The following SHISAL1 variants were observed in gnomAD, a reference collection of about 807,000 sequenced individuals.
SHISAL1 encodes the protein shisa like 1.
Under a neutral mutation model 22.6 loss-of-function variants are expected in SHISAL1, and 9 were observed. That is an observed-to-expected ratio of 0.40 (90% confidence interval 0.24 to 0.70). SHISAL1 has a LOEUF of 0.70. Among genes scored for constraint, SHISAL1 ranks in the 30% least tolerant of loss-of-function variants. SHISAL1 has a pLI of 0.39. For missense variants in SHISAL1, 246 were observed against 270.6 expected (o/e 0.91, Z 0.64); for synonymous variants, 119 against 115.4 (o/e 1.03, Z -0.20).
At position 44,249,702 on chromosome 22, in the gene SHISAL1, G is replaced by GA. The variant is rs57543484; in HGVS notation, c.*-18dup. 2.6e-6 allele frequency: 2 copies of GA among 778,516 alleles called. No homozygotes were observed. Among genetic ancestry groups the GA allele is most frequent in the African/African-American group, 3.4e-5 (2 of 58,986 alleles). 48.2% of individuals were successfully genotyped at this position (778,516 alleles called of 1,614,324 possible). A position where few individuals can be genotyped will look rare whatever the true frequency, so the allele number is the denominator to read the frequency against. ...AAGCGTTTTCTGGAGGAAATACAAGGAAAAAAAGTATCACATGGTGTCTCC... is the reference window on the plus strand; with the variant it reads ...AAGCGTTTTCTGGAGGAAATACAAGGAAAAAAAAGTATCACATGGTGTCTCC... On this transcript the variant is annotated splice_polypyrimidine_tract_variant and intron_variant, in intron 4 of 4. Coordinates refer to ENST00000381176, the MANE Select transcript of SHISAL1 (RefSeq NM_001099294.2).
intron 4 of SHISAL1, among the ~76,000 whole-genome samples, 169 bp from the exon 5 acceptor site, chr22:44,249,854 C>G (rs1389684208): frequency 6.6e-6 from 1 of 152,164 alleles, no homozygotes; most frequent in Non-Finnish European, 1.5e-5. Flanking sequence ...AAAAAAATGT[C>G]TGCTATCATT....
At chr22:44,328,817 G>A in the SHISAL1 span, among the ~76,000 whole-genome samples, 1 of 151,394 alleles carries the variant, frequency 6.6e-6, no homozygotes, top group Non-Finnish European at 1.5e-5. Context: ...CACTCAAGCT[G>A]GGGGTAGTGT....
At chr22:44,305,213 C>T (rs7511368) in intron 1 of SHISAL1, among the ~76,000 whole-genome samples, 98,789 of 152,192 alleles carry the variant, frequency 0.65, 32,631 homozygotes, top group South Asian at 0.79. Context: ...ATTCATTTAT[C>T]CATTCACTTA....
At chr22:44,286,092 C>G (rs1418810907) in intron 3 of SHISAL1, among the ~76,000 whole-genome samples, 1 of 152,206 alleles carries the variant, frequency 6.6e-6, no homozygotes, top group African/African-American at 2.4e-5. Flanking sequence ...CTTCCTTTAC[C>G]TGGTGCTGTT....
At chr22:44,276,392 T>C (rs2017805) in intron 4 of SHISAL1, among the ~76,000 whole-genome samples, 5,837 of 152,110 alleles carry the variant, frequency 0.038, 413 homozygotes, top group African/African-American at 0.14. Flanking sequence ...AAGGAAAGCA[T>C]TTTGATTCCT....
At chr22:44,319,944 G>A in the SHISAL1 span, among the ~76,000 whole-genome samples, 30,405 of 152,012 alleles carry the variant, frequency 0.2, 3,347 homozygotes, top group South Asian at 0.31. Context: ...ATCAGGTCTC[G>A]AGGGTGATGG....
rs1601793153 is a variant in SHISAL1, at chr22:44,285,551, C to G, written c.476G>C (p.Gly159Ala). 5 of 1,538,358 alleles carry G rather than the reference C, an allele frequency of 3.3e-6. No homozygotes were observed. The highest frequency in any genetic ancestry group is 2.7e-5 in the African/African-American group (2 of 74,372). The change falls in exon 4 of 5, where the codon GGT becomes GCT. Residue 159 changes from glycine (G) to alanine (A), a missense_variant. Gly to Ala is a moderately conservative substitution (Grantham distance 60). Coordinates refer to ENST00000381176, the MANE Select transcript of SHISAL1 (RefSeq NM_001099294.2). The part of the protein sequence containing the change: ...WGNPARAPRP[G>A]QRAPQPQPPP... ...AGGCTGCGGCTGTGGGGCCCGCTGA[C>G]CCGGCCGAGGGGCCCGAGCGGGGTT...
Position 44,246,737 on chromosome 22 carries a change from G to A in SHISAL1, c.*2948C>T, listed in dbSNP as rs2055004467. 2 of 144,402 alleles carry A rather than the reference G, an allele frequency of 1.4e-5. No homozygotes were observed. The highest frequency in any genetic ancestry group is 4.4e-4 in the South Asian group (2 of 4,538). The allele number at this position is 144,402 out of a possible 1,614,324, so 8.9% of individuals were successfully genotyped here. The stretch of plus-strand genomic sequence containing the variant: ...TGTCGGCTCCTCTGTGAGACAGCAA[G>A]TACCGTGACTAACTGGTACCCTACC... On this transcript the variant is annotated 3_prime_UTR_variant, in exon 5 of 5. Transcript: ENST00000381176.
rs1010854729 is a variant in SHISAL1, at chr22:44,310,359, G to T, written c.-33+2392C>A. Among the ~76,000 whole-genome samples the T allele has an allele frequency of 6.6e-6, 1 of 152,256 alleles. No individual in the cohort carries two copies. The highest frequency in any genetic ancestry group is 1.5e-5 in the Non-Finnish European group (1 of 68,048). On this transcript the variant is annotated intron_variant, in intron 1 of 4. Transcript: ENST00000381176. The surrounding 1 kb of genome is among the most constrained non-coding windows in gnomAD (Gnocchi z 4.0). The stretch of plus-strand genomic sequence containing the variant: ...GAAACTAAGTGATTGCCCAGAGCTG[G>T]AGGGTGGAAGGTTTGCAATCTGAAC...
Position 44,243,881 on chromosome 22 carries a change from T to G in SHISAL1, c.*5804A>C, listed in dbSNP as rs1464631214. 2 of 152,194 alleles carry G rather than the reference T, an allele frequency of 1.3e-5. No individual in the cohort carries two copies. The highest frequency in any genetic ancestry group is 2.9e-5 in the Non-Finnish European group (2 of 68,044). The allele number at this position is 152,194 out of a possible 1,614,324, so 9.4% of individuals were successfully genotyped here. On this transcript the variant is annotated 3_prime_UTR_variant, in exon 5 of 5. Transcript: ENST00000381176. ...TGCCTGCTCACATGAAGTCAGAGTT[T>G]ACGGGAGAGAAAATATTTCCATCCC...
At chr22:44,301,665 C>T (rs189862373) in intron 1 of SHISAL1, among the ~76,000 whole-genome samples, 48 of 152,264 alleles carry the variant, frequency 3.2e-4, no homozygotes, top group Admixed American at 5.9e-4. Context: ...ATGTGCCCAT[C>T]GAGGGATGGA....
intron 4 of SHISAL1, among the ~76,000 whole-genome samples, chr22:44,259,416 C>T (rs1366662855): frequency 2.0e-5 from 3 of 150,060 alleles, no homozygotes; most frequent in South Asian, 2.1e-4. Flanking sequence ...CCAGCTCGGG[C>T]GACAGTGCAA....
intron 4 of SHISAL1, among the ~76,000 whole-genome samples, chr22:44,254,492 C>G (rs959068187): frequency 6.6e-6 from 1 of 152,072 alleles, no homozygotes; most frequent in Non-Finnish European, 1.5e-5. Flanking sequence ...TCCTGTGTAG[C>G]TAAGACTACA....
At chr22:44,315,738 T>C (rs2055553962), upstream of SHISAL1, among the ~76,000 whole-genome samples, 1 of 152,102 alleles carries the variant, frequency 6.6e-6, no homozygotes, top group Non-Finnish European at 1.5e-5. Context: ...GTTTCTTCCT[T>C]TGTGGATGGT....
At position 44,243,911 on chromosome 22, in the gene SHISAL1, C is replaced by T. The variant is rs568963458; in HGVS notation, c.*5774G>A. On this transcript the variant is annotated 3_prime_UTR_variant, in exon 5 of 5. Coordinates refer to ENST00000381176, the MANE Select transcript of SHISAL1 (RefSeq NM_001099294.2). The stretch of plus-strand genomic sequence containing the variant: ...GAGAGAAAATATTTCCATCCCCCTA[C>T]CCCTGCGCTGCATGCCCTTGTCCAG... The T allele has an allele frequency of 6.6e-6, 1 of 152,332 alleles. No homozygotes were observed. Among genetic ancestry groups the T allele is most frequent in the East Asian group, 1.9e-4 (1 of 5,182 alleles). 9.4% of individuals were successfully genotyped at this position (152,332 alleles called of 1,614,324 possible). A position where few individuals can be genotyped will look rare whatever the true frequency, so the allele number is the denominator to read the frequency against.
chr22:44,288,005 CT>C (rs2055327983), intron 3 of SHISAL1, among the ~76,000 whole-genome samples: 1 of 152,206 alleles, frequency 6.6e-6, no homozygotes, highest in Non-Finnish European at 1.5e-5. Context: ...AGGATGCCAG[CT>C]GGGGGTGTGG....
chr22:44,253,077 T>G (rs139031756), intron 4 of SHISAL1, among the ~76,000 whole-genome samples: 2 of 152,106 alleles, frequency 1.3e-5, no homozygotes, highest in Non-Finnish European at 2.9e-5. Context: ...GGTTGCACTA[T>G]AGTGAGAAGT....
intron 2 of SHISAL1, among the ~76,000 whole-genome samples, chr22:44,300,484 T>A (rs1025003211): frequency 4.6e-5 from 7 of 152,354 alleles, no homozygotes; most frequent in Admixed American, 4.6e-4. Context: ...ATCCGCTAAC[T>A]GCCTTGTCCT....
chr22:44,260,802 TG>T (rs2055116974), intron 4 of SHISAL1, among the ~76,000 whole-genome samples: 1 of 151,932 alleles, frequency 6.6e-6, no homozygotes, highest in African/African-American at 2.4e-5. Flanking sequence ...CATTCTGGGG[TG>T]GGGGCAGCGT....
Sources: allele counts gnomAD v4.1 joint callset (sites outside exome capture counted in the v4.1 genomes callset), GRCh38; gene constraint gnomAD v4.1.1; non-coding constraint Gnocchi (gnomAD v3.1); transcripts MANE v1.5; gene names NCBI Gene and HGNC (gene_info 2026-07-23, HGNC 2026-07-21).